The following RPTOR variants were observed in gnomAD, a reference collection of about 807,000 sequenced individuals.
The protein encoded by RPTOR is regulatory associated protein of MTOR complex 1.
Under a neutral mutation model 169.9 loss-of-function variants are expected in RPTOR, and 21 were observed. The observed-to-expected ratio is 0.12, with a 90% CI of 0.09 to 0.18. The LOEUF is 0.18. Among genes scored for constraint, RPTOR ranks in the 10% least tolerant of loss-of-function variants. The probability of loss-of-function intolerance (pLI) is 1.00; values close to 1 mark genes in which losing one functional copy is unlikely to be tolerated. For missense variants in RPTOR, 1,133 were observed against 1,855.9 expected (o/e 0.61, Z 7.16); for synonymous variants, 732 against 753.2 (o/e 0.97, Z 0.46).
intron 24 of RPTOR, among the ~76,000 whole-genome samples, chr17:80,930,208 C>CCAGCTCATCCT (rs1567993366): frequency 4.4e-3 from 143 of 32,364 alleles, no homozygotes; most frequent in African/African-American, 0.015. Context: ...CAGCTCATCC[C>CCAGCTCATCCT]CAGCTCATCC....
chr17:80,937,782 A>T (rs2068972331), intron 24 of RPTOR, among the ~76,000 whole-genome samples: 1 of 152,220 alleles, frequency 6.6e-6, no homozygotes, highest in Non-Finnish European at 1.5e-5. Flanking sequence ...AGCGGCGGTC[A>T]CATCCTAGTT....
chr17:80,930,241 T>TCACCTCATCCC (rs1163111595), intron 24 of RPTOR, among the ~76,000 whole-genome samples: 1 of 32,488 alleles, frequency 3.1e-5, no homozygotes. Flanking sequence ...CAGCTCATCC[T>TCACCTCATCCC]CAGCTCAGCT....
At chr17:80,903,604 G>C (rs935202617) in intron 20 of RPTOR, among the ~76,000 whole-genome samples, 2 of 152,146 alleles carry the variant, frequency 1.3e-5, no homozygotes, top group Non-Finnish European at 2.9e-5. Flanking sequence ...GGCTGGCCTC[G>C]AACTCTTGGG....
rs1265090736 is a variant in RPTOR at position 80,646,606 on chromosome 17, G to A, written c.348+2796G>A. 1.3e-5 allele frequency among the ~76,000 whole-genome samples: 2 copies of A among 152,180 alleles called. No individual in the cohort carries two copies. Among genetic ancestry groups the A allele is most frequent in the Non-Finnish European group, 2.9e-5 (2 of 68,030 alleles). ...GTAAATCAGGGTCCTTTGAAACATT[G>A]CAAGGCTAAACACGCACCACTTGAT... On this transcript the variant is annotated intron_variant, in intron 3 of 33. Transcript: ENST00000306801. This position sits in a 1 kb window ranked among gnomAD's most constrained non-coding sequence, Gnocchi z 5.0.
At chr17:80,817,587 G>T (rs2067337200) in intron 7 of RPTOR, among the ~76,000 whole-genome samples, 1 of 152,140 alleles carries the variant, frequency 6.6e-6, no homozygotes, top group Non-Finnish European at 1.5e-5. Flanking sequence ...GCTGGAAGTG[G>T]GGAGCAGGCA....
rs1046541484 is a variant in RPTOR at position 80,545,372 on chromosome 17, C to G, written c.-258C>G. The G allele has an allele frequency of 4.3e-5, 16 of 369,100 alleles. No individual in the cohort carries two copies. The highest frequency in any genetic ancestry group is 6.9e-5 in the Non-Finnish European group (14 of 203,956). 22.9% of individuals were successfully genotyped at this position (369,100 alleles called of 1,614,324 possible). ...CTCAGGAGCAGCCAGTGGCTTGGGA[C>G]CTGGGGTGGTGTGTGTCTGCGGAGC... On this transcript the variant is annotated 5_prime_UTR_variant, in exon 1 of 34. Transcript: ENST00000306801.
At chr17:80,574,082 A>G (rs2064935184) in intron 1 of RPTOR, among the ~76,000 whole-genome samples, 1 of 152,116 alleles carries the variant, frequency 6.6e-6, no homozygotes, top group Non-Finnish European at 1.5e-5. Flanking sequence ...AGGTCATGTA[A>G]TCCGAAAGTG....
chr17:80,775,600 A>G (rs2066885234), intron 6 of RPTOR, among the ~76,000 whole-genome samples: 1 of 152,234 alleles, frequency 6.6e-6, no homozygotes, highest in African/African-American at 2.4e-5. Context: ...TGCCTAACCC[A>G]TCAAAGGTGC....
chr17:80,912,076 G>A (rs1264734205), intron 21 of RPTOR, among the ~76,000 whole-genome samples: 1 of 152,226 alleles, frequency 6.6e-6, no homozygotes, highest in East Asian at 1.9e-4. Context: ...ACTCTAAATA[G>A]CCTCTACCAC....
intron 5 of RPTOR, among the ~76,000 whole-genome samples, chr17:80,741,966 G>A (rs2066486036): frequency 6.6e-6 from 1 of 152,194 alleles, no homozygotes; most frequent in African/African-American, 2.4e-5. Context: ...AAGCCTTCTA[G>A]AAGTAGGGAC....
intron 7 of RPTOR, among the ~76,000 whole-genome samples, chr17:80,818,692 G>A (rs1354681858): frequency 6.6e-6 from 1 of 152,202 alleles, no homozygotes; most frequent in African/African-American, 2.4e-5. Flanking sequence ...TCTGAAGTCG[G>A]CTGGGCAGAT....
chr17:80,874,642 G>A (rs141322754), intron 13 of RPTOR, among the ~76,000 whole-genome samples: 1 of 152,310 alleles, frequency 6.6e-6, no homozygotes, highest in African/African-American at 2.4e-5. Flanking sequence ...GTGAAGAGCA[G>A]TGAGCTCTTG....
chr17:80,752,660 C>T (rs2066641533), intron 5 of RPTOR, among the ~76,000 whole-genome samples: 2 of 152,218 alleles, frequency 1.3e-5, no homozygotes, highest in African/African-American at 4.8e-5. Flanking sequence ...GAATCACAAT[C>T]TCAGTGCTAG....
intron 1 of RPTOR, among the ~76,000 whole-genome samples, chr17:80,563,270 G>A (rs1028983310): frequency 6.6e-6 from 1 of 151,866 alleles, no homozygotes; most frequent in Admixed American, 6.6e-5. Flanking sequence ...ACAGGCTGGA[G>A]TGCAGAGGTG....
At position 80,664,390 on chromosome 17, in the gene RPTOR, T is replaced by C. The variant is rs1278644934; in HGVS notation, c.348+20580T>C. Among the ~76,000 whole-genome samples, 4 of 152,142 alleles carry C rather than the reference T, an allele frequency of 2.6e-5. No individual in the cohort carries two copies. In the East Asian group the frequency reaches 7.7e-4, roughly 29 times the overall value. Reference sequence around the variant, plus strand: ...TGATTCTCTGCTTCATGTGCTAGGGTGTTCCCCCTCCCACTGAAGTTGCTG... The same window carrying C: ...TGATTCTCTGCTTCATGTGCTAGGGCGTTCCCCCTCCCACTGAAGTTGCTG... On this transcript the variant is annotated intron_variant, in intron 3 of 33. Coordinates refer to ENST00000306801, the MANE Select transcript of RPTOR (RefSeq NM_020761.3).
chr17:80,773,855 G>T, intron 6 of RPTOR: 2 of 985,392 alleles, frequency 2.0e-6, no homozygotes, highest in African/African-American at 3.5e-5. Flanking sequence ...AGTGTGTTCT[G>T]TTGTGCATCA....
intron 28 of RPTOR, among the ~76,000 whole-genome samples, chr17:80,950,465 G>T (rs947124224): frequency 1.3e-5 from 2 of 152,064 alleles, no homozygotes; most frequent in African/African-American, 4.8e-5. Flanking sequence ...GGACGTCATG[G>T]GGGCAGCTCC....
chr17:80,829,595 T>G (rs1567935587), intron 9 of RPTOR, among the ~76,000 whole-genome samples: 1 of 152,154 alleles, frequency 6.6e-6, no homozygotes. Context: ...GACAGAGGCT[T>G]CAGTGAAGCC....
chr17:80,894,337 T>C (rs1283171125), intron 20 of RPTOR, among the ~76,000 whole-genome samples: 1 of 152,180 alleles, frequency 6.6e-6, no homozygotes, highest in Non-Finnish European at 1.5e-5. Flanking sequence ...CCCCACACAG[T>C]GTCCGCAGTG....
Sources: allele counts gnomAD v4.1 joint callset (sites outside exome capture counted in the v4.1 genomes callset), GRCh38; gene constraint gnomAD v4.1.1; non-coding constraint Gnocchi (gnomAD v3.1); transcripts MANE v1.5; gene names NCBI Gene and HGNC (gene_info 2026-07-23, HGNC 2026-07-21).